UBE2E2: variants seen among roughly 807,000 people sequenced by gnomAD.
UBE2E2 encodes the protein ubiquitin-conjugating enzyme E2 E2.
A neutral mutation model predicts 24.7 loss-of-function variants in UBE2E2; 6 were observed. That is an observed-to-expected ratio of 0.24 (90% CI 0.13 to 0.48). The LOEUF (loss-of-function observed/expected upper bound fraction) is 0.48, where lower values mean the gene tolerates loss of function less well. Ranked by LOEUF, UBE2E2 falls within the 20% of genes least tolerant of loss-of-function variation. The pLI, the probability that UBE2E2 is intolerant of heterozygous loss-of-function variation, is 0.99. For missense variants in UBE2E2, 169 were observed against 245.0 expected, an observed-to-expected ratio of 0.69 and a Z score of 2.07; for synonymous variants, 104 against 83.6, an observed-to-expected ratio of 1.24 and a Z score of -1.33.
At chr3:23,345,954 C>T (rs1394681656) in intron 3 of UBE2E2, among the ~76,000 whole-genome samples, 2 of 152,148 alleles carry the variant, frequency 1.3e-5, no homozygotes, top group Non-Finnish European at 2.9e-5. Flanking sequence ...TCACCAACGG[C>T]AGACAGCAGA....
intron 4 of UBE2E2, among the ~76,000 whole-genome samples, chr3:23,519,698 A>G (rs932519403): frequency 3.9e-5 from 6 of 152,106 alleles, no homozygotes; most frequent in African/African-American, 1.4e-4. Flanking sequence ...TGTTTTTGAG[A>G]CAGGGTCTCG....
chr3:23,363,634 C>G (rs181973311), intron 3 of UBE2E2, among the ~76,000 whole-genome samples: 131 of 152,278 alleles, frequency 8.6e-4, no homozygotes, highest in African/African-American at 2.6e-3. Context: ...CCCTGGAGCA[C>G]CCAGACTCAT....
chr3:23,268,692 G>GA (rs1415497510), intron 3 of UBE2E2, among the ~76,000 whole-genome samples: 1 of 149,362 alleles, frequency 6.7e-6, no homozygotes, highest in African/African-American at 2.5e-5. Flanking sequence ...CACAGAATTG[G>GA]AAAAAACTAC....
intron 3 of UBE2E2, among the ~76,000 whole-genome samples, chr3:23,295,409 T>A (rs549012522): frequency 6.6e-6 from 1 of 152,308 alleles, no homozygotes; most frequent in East Asian, 1.9e-4. Flanking sequence ...CAGATTCCTC[T>A]AAAGAGGGCT....
chr3:23,410,953 T>C (rs1697482335), intron 3 of UBE2E2, among the ~76,000 whole-genome samples: 1 of 152,182 alleles, frequency 6.6e-6, no homozygotes, highest in Admixed American at 6.5e-5. Context: ...TTCCCTTTTT[T>C]TCTCATCCCC....
intron 3 of UBE2E2, among the ~76,000 whole-genome samples, chr3:23,392,255 A>G (rs1696956562): frequency 6.6e-6 from 1 of 152,190 alleles, no homozygotes; most frequent in Non-Finnish European, 1.5e-5. Flanking sequence ...ACACTCAACC[A>G]ATTTGTTTAC....
chr3:23,343,592 A>C (rs1695464612), intron 3 of UBE2E2, among the ~76,000 whole-genome samples: 1 of 152,144 alleles, frequency 6.6e-6, no homozygotes, highest in South Asian at 2.1e-4. Flanking sequence ...AAAAGTTCTG[A>C]AGTGAACATG....
chr3:23,450,690 TC>T (rs1305778165), intron 3 of UBE2E2, among the ~76,000 whole-genome samples: 1 of 152,180 alleles, frequency 6.6e-6, no homozygotes, highest in Non-Finnish European at 1.5e-5. Context: ...ATTTAAATAT[TC>T]CGGCTTTATT....
intron 3 of UBE2E2, among the ~76,000 whole-genome samples, chr3:23,346,173 T>A (rs1695549401): frequency 6.6e-6 from 1 of 152,212 alleles, no homozygotes; most frequent in Admixed American, 6.5e-5. Context: ...AAAGACAAAC[T>A]CAGAGCCTGT....
At chr3:23,249,496 C>T (rs1033549309) in intron 3 of UBE2E2, among the ~76,000 whole-genome samples, 2 of 152,042 alleles carry the variant, frequency 1.3e-5, no homozygotes, top group African/African-American at 2.4e-5. Flanking sequence ...AAATTTTGGT[C>T]ACTGGAAACA....
intron 3 of UBE2E2, among the ~76,000 whole-genome samples, chr3:23,218,790 A>C (rs1552930): frequency 0.61 from 92,234 of 151,812 alleles, 28,514 homozygotes; most frequent in South Asian, 0.68. Context: ...TATTAGATAA[A>C]TGGGGAAAGG....
intron 5 of UBE2E2, among the ~76,000 whole-genome samples, chr3:23,534,611 A>G (rs899007976): frequency 6.6e-6 from 1 of 152,178 alleles, no homozygotes; most frequent in Non-Finnish European, 1.5e-5. Flanking sequence ...GAATGTTGAC[A>G]CTTCTAGAAT....
intron 3 of UBE2E2, among the ~76,000 whole-genome samples, chr3:23,414,980 T>C (rs1028691757): frequency 6.6e-6 from 1 of 152,158 alleles, no homozygotes; most frequent in Non-Finnish European, 1.5e-5. Context: ...TTAGAGTGTT[T>C]GGTGTGAGAA....
At chr3:23,344,230 A>C (rs1695481927) in intron 3 of UBE2E2, among the ~76,000 whole-genome samples, 1 of 152,216 alleles carries the variant, frequency 6.6e-6, no homozygotes, top group East Asian at 1.9e-4. Context: ...CTGGTTAAGA[A>C]ATTTTCAGTC....
chr3:23,512,668 C>T (rs754238483), intron 4 of UBE2E2, among the ~76,000 whole-genome samples: 4 of 152,016 alleles, frequency 2.6e-5, no homozygotes, highest in Non-Finnish European at 5.9e-5. Flanking sequence ...GTATAGACTG[C>T]GCTCAGTGGC....
chr3:23,312,494 T>C (rs985620528), intron 3 of UBE2E2, among the ~76,000 whole-genome samples: 1 of 152,032 alleles, frequency 6.6e-6, no homozygotes, highest in South Asian at 2.1e-4. Context: ...TTTTAATCCG[T>C]TAACCATCCC....
chr3:23,456,901 G>C (rs1379716965), intron 3 of UBE2E2, among the ~76,000 whole-genome samples: 2 of 152,226 alleles, frequency 1.3e-5, no homozygotes, highest in African/African-American at 2.4e-5. Context: ...GAAAGTCCTA[G>C]ATGGCCTCTT....
At position 23,352,776 on chromosome 3, in the gene UBE2E2, T is replaced by C. The variant is rs573965733; in HGVS notation, c.227+135464T>C. ...CAACCAAAAAGAGTCCAGGACCAGA[T>C]GGATTCACAGCCGAATTCTACCAGA... is the stretch of plus-strand genomic sequence containing the variant. On this transcript the variant is annotated intron_variant, in intron 3 of 5. Transcript: ENST00000396703. Among the ~76,000 whole-genome samples the C allele has an allele frequency of 2.3e-3, 356 of 152,248 alleles. 3 individuals carry two copies. Among genetic ancestry groups the C allele is most frequent in the Middle Eastern group, 6.8e-3 (2 of 294 alleles).
intron 3 of UBE2E2, among the ~76,000 whole-genome samples, chr3:23,470,265 T>C (rs1280384883): frequency 6.6e-6 from 1 of 152,192 alleles, no homozygotes; most frequent in African/African-American, 2.4e-5. Flanking sequence ...CCTTGCTTCC[T>C]TGAGATCTCA....
Sources: allele counts gnomAD v4.1 joint callset (sites outside exome capture counted in the v4.1 genomes callset), GRCh38; gene constraint gnomAD v4.1.1; transcripts MANE v1.5; gene names NCBI Gene and HGNC (gene_info 2026-07-23, HGNC 2026-07-21).